Variants in LRP5 observed in about 807,000 individuals in gnomAD.
LRP5 encodes low-density lipoprotein receptor-related protein 5.
In LRP5, 62 loss-of-function variants were observed where a neutral mutation model predicts 154.1. The ratio of observed to expected loss-of-function variants is 0.40; its 90% CI spans 0.33 to 0.50. The LOEUF is 0.50. Ranked by LOEUF, LRP5 falls within the 20% of genes least tolerant of loss-of-function variation. The probability of loss-of-function intolerance (pLI) is 0.55; values close to 1 mark genes in which losing one functional copy is unlikely to be tolerated. For missense variants in LRP5, 1,915 were observed against 2,336.7 expected (o/e 0.82, Z 3.72); for synonymous variants, 966 against 1,011.5 (o/e 0.96, Z 0.85).
At position 68,439,795 on chromosome 11, in the gene LRP5, C is replaced by G; in HGVS notation, c.4367C>G (p.Ser1456Cys). 1 of 1,611,704 alleles carries G rather than the reference C, an allele frequency of 6.2e-7. No individual in the cohort carries two copies. The highest frequency in any genetic ancestry group is 8.5e-7 in the Non-Finnish European group (1 of 1,179,642). ...CTGCCAGGCATCGCATGCGGAAAGT[C>G]CATGATGAGCTCCGTGAGCCTGATG... ...GPFTGIACGKSMMSSVSLMGG... is the reference protein window; with the variant it reads ...GPFTGIACGKCMMSSVSLMGG... Residue 1456 changes from serine (S) to cysteine (C), a missense_variant, in exon 21 of 23, where the codon TCC becomes TGC. By Grantham distance (112) the Ser-to-Cys change is moderately radical. Coordinates refer to ENST00000294304, the MANE Select transcript of LRP5 (RefSeq NM_002335.4).
intron 1 of LRP5, among the ~76,000 whole-genome samples, chr11:68,317,495 G>A (rs1291466841): frequency 6.6e-6 from 1 of 152,190 alleles, no homozygotes. Context: ...CCTGAGTTAG[G>A]AGCAGAACGG....
At chr11:68,351,506 C>T (rs1186856094) in intron 2 of LRP5, among the ~76,000 whole-genome samples, 1 of 152,198 alleles carries the variant, frequency 6.6e-6, no homozygotes, top group Non-Finnish European at 1.5e-5. Flanking sequence ...TTGCTAGAAG[C>T]CCTCTCCCAG....
At chr11:68,300,832 C>T in the LRP5 span, among the ~76,000 whole-genome samples, 1 of 149,788 alleles carries the variant, frequency 6.7e-6, no homozygotes, top group African/African-American at 2.4e-5. Context: ...ATGGGGTGCT[C>T]TATTCCATCA....
intron 5 of LRP5, among the ~76,000 whole-genome samples, chr11:68,370,192 C>G (rs1264532380): frequency 6.6e-6 from 1 of 152,162 alleles, no homozygotes; most frequent in Non-Finnish European, 1.5e-5. Flanking sequence ...TTTGCTGGCT[C>G]CCAGGGTTCT....
chr11:68,319,518 T>TTTATTATTATTA (rs34373911), intron 1 of LRP5, among the ~76,000 whole-genome samples: 1 of 151,646 alleles, frequency 6.6e-6, no homozygotes, highest in Non-Finnish European at 1.5e-5. Context: ...CCCAGCCTAT[T>TTTATTATTATTA]TTATTATTAT....
In LRP5 at chr11:68,448,214, A is replaced by G. The variant is rs1295198798; in HGVS notation, c.4587-595A>G. Among the ~76,000 whole-genome samples the G allele has an allele frequency of 2.6e-5, 4 of 152,194 alleles. No individual in the cohort carries two copies. In the East Asian group the frequency reaches 7.7e-4, roughly 29 times the overall value. On this transcript the variant is annotated intron_variant, in intron 22 of 22. Transcript: ENST00000294304. ...CTACCACGAGAACAGTATGGGGGGA[A>G]CCACCCCCATGATTCAATCATCTCC...
chr11:68,325,452 G>T (rs1260243849), intron 1 of LRP5, among the ~76,000 whole-genome samples: 1 of 152,182 alleles, frequency 6.6e-6, no homozygotes, highest in East Asian at 1.9e-4. Context: ...AGCACCTAAG[G>T]CCAGCTTGGT....
chr11:68,364,970 C>T (rs144103763), intron 4 of LRP5, among the ~76,000 whole-genome samples: 111 of 152,314 alleles, frequency 7.3e-4, no homozygotes, highest in African/African-American at 2.3e-3. Flanking sequence ...AAGCATTTAT[C>T]GAGTTCCGTT....
At chr11:68,327,612 C>G (rs1454693120) in intron 1 of LRP5, among the ~76,000 whole-genome samples, 1 of 152,192 alleles carries the variant, frequency 6.6e-6, no homozygotes, top group East Asian at 1.9e-4. Context: ...TGCCCAGTCT[C>G]CCCATCTGTA....
At chr11:68,327,323 C>T (rs995893241) in intron 1 of LRP5, among the ~76,000 whole-genome samples, 15 of 152,134 alleles carry the variant, frequency 9.9e-5, no homozygotes, top group Non-Finnish European at 1.9e-4. Flanking sequence ...GTGCTGAGGT[C>T]CTGGGAGGCC....
chr11:68,371,649 G>A (rs1348715849), intron 5 of LRP5, among the ~76,000 whole-genome samples: 1 of 152,280 alleles, frequency 6.6e-6, no homozygotes, highest in Non-Finnish European at 1.5e-5. Context: ...TGAATTAGCT[G>A]TGCCGCCTGG....
At chr11:68,402,972 G>A (rs1419380331) in intron 7 of LRP5, among the ~76,000 whole-genome samples, 2 of 152,194 alleles carry the variant, frequency 1.3e-5, no homozygotes, top group Non-Finnish European at 2.9e-5. Flanking sequence ...ATGGCCGGGC[G>A]CGGTGGCTCA....
intron 5 of LRP5, among the ~76,000 whole-genome samples, chr11:68,373,889 C>T (rs2098635822): frequency 6.6e-6 from 1 of 152,160 alleles, no homozygotes; most frequent in South Asian, 2.1e-4. Flanking sequence ...ATCCCTCCTG[C>T]TTGGGGGCCT....
intron 13 of LRP5, among the ~76,000 whole-genome samples, chr11:68,419,950 C>A (rs1241211360): frequency 6.6e-6 from 1 of 152,012 alleles, no homozygotes; most frequent in Non-Finnish European, 1.5e-5. Context: ...TGTGCACCTC[C>A]ACACCTGGCT....
In LRP5 at chr11:68,386,396, G is replaced by C. The variant is rs367543496; in HGVS notation, c.1096G>C (p.Val366Leu). The change falls in exon 6 of 23, where the codon GTG becomes CTG. Residue 366 changes from valine to leucine, a missense_variant. Transcript: ENST00000294304. The surrounding 1 kb of genome is among the most constrained non-coding windows in gnomAD (Gnocchi z 7.9). ...GGACACGCCGGACTTCACCGACATC[G>C]TGCTGCAGGTGGACGACATCCGGCA... is the stretch of plus-strand genomic sequence containing the variant. Reference protein sequence around the residue: ...SLDTPDFTDIVLQVDDIRHAI... With the variant: ...SLDTPDFTDILLQVDDIRHAI... The C allele has an allele frequency of 6.2e-7, 1 of 1,613,892 alleles. No homozygotes were observed. Among genetic ancestry groups the C allele is most frequent in the Non-Finnish European group, 8.5e-7 (1 of 1,180,032 alleles).
At chr11:68,302,431 T>A in the LRP5 span, among the ~76,000 whole-genome samples, 1 of 151,206 alleles carries the variant, frequency 6.6e-6, no homozygotes, top group Non-Finnish European at 1.5e-5. Context: ...GTTCCACCCA[T>A]GCTTGCGGGG....
rs1044755045 is a variant in LRP5, at chr11:68,447,882, T to C, written c.4587-927T>C. 9.2e-5 allele frequency among the ~76,000 whole-genome samples: 14 copies of C among 152,038 alleles called. No individual in the cohort carries two copies. The South Asian group carries it at 1.2e-3, about 13-fold the overall frequency. ...TGGGTGCAGGTAGCCTCTGGGAGGA[T>C]GGGAGGTCAGGAGCCATCTTGCGAG... On this transcript the variant is annotated intron_variant, in intron 22 of 22. Transcript: ENST00000294304. The surrounding 1 kb of genome is among the most constrained non-coding windows in gnomAD (Gnocchi z 4.3).
rs758247191 is a variant in LRP5, at chr11:68,423,452, G to A, written c.3028-37G>A. On this transcript the variant is annotated intron_variant, in intron 13 of 22. Coordinates refer to ENST00000294304, the MANE Select transcript of LRP5 (RefSeq NM_002335.4). This position sits in a 1 kb window ranked among gnomAD's most constrained non-coding sequence, Gnocchi z 4.7. ...TCTCCGCCAGTGCCCAGGGGTCTCCGCCAGTGCTCAGGAGTCTTGGTTTCT... is the reference window on the plus strand; with the variant it reads ...TCTCCGCCAGTGCCCAGGGGTCTCCACCAGTGCTCAGGAGTCTTGGTTTCT... 9.4e-6 allele frequency: 15 copies of A among 1,595,988 alleles called. No individual in the cohort carries two copies. Among genetic ancestry groups the A allele is most frequent in the Non-Finnish European group, 1.1e-5 (13 of 1,163,614 alleles).
intron 8 of LRP5, 50 bp from the exon 9 acceptor site, chr11:68,406,473 TC>T (rs768345692): frequency 1.3e-6 from 2 of 1,597,448 alleles, no homozygotes; most frequent in East Asian, 4.5e-5. Context: ...CGCACCCCTT[TC>T]CCTGCTGGGC....
Sources: allele counts gnomAD v4.1 joint callset (sites outside exome capture counted in the v4.1 genomes callset), GRCh38; gene constraint gnomAD v4.1.1; non-coding constraint Gnocchi (gnomAD v3.1); transcripts MANE v1.5; gene names NCBI Gene and HGNC (gene_info 2026-07-23, HGNC 2026-07-21).